Variants in NAV3 observed in about 807,000 individuals in gnomAD.
NAV3 encodes the protein neuron navigator 3.
Under a neutral mutation model 244.7 loss-of-function variants are expected in NAV3, and 87 were observed. The observed-to-expected ratio is 0.36, with a 90% confidence interval of 0.30 to 0.42. The LOEUF (loss-of-function observed/expected upper bound fraction) is 0.42, where lower values mean the gene tolerates loss of function less well. Among genes scored for constraint, NAV3 ranks in the 20% least tolerant of loss-of-function variants. The probability of loss-of-function intolerance (pLI) is 1.00; values close to 1 mark genes in which losing one functional copy is unlikely to be tolerated. For missense variants in NAV3, 2,663 were observed against 2,893.3 expected (o/e 0.92, Z 1.83); for synonymous variants, 1,126 against 1,042.2 (o/e 1.08, Z -1.55).
chr12:78,155,014 A>AT (rs1229447124), intron 22 of NAV3, among the ~76,000 whole-genome samples: 1 of 151,788 alleles, frequency 6.6e-6, no homozygotes, highest in Non-Finnish European at 1.5e-5. Context: ...TTAAGACAAT[A>AT]TTTTTTTTCT....
chr12:77,688,204 A>G (rs988072372), intron 2 of NAV3, among the ~76,000 whole-genome samples: 2 of 152,022 alleles, frequency 1.3e-5, no homozygotes, highest in African/African-American at 2.4e-5. Flanking sequence ...TAAAATTTGT[A>G]TCATAGCTAA....
intron 2 of NAV3, among the ~76,000 whole-genome samples, chr12:77,603,725 G>A (rs1870543093): frequency 1.3e-5 from 2 of 151,994 alleles, no homozygotes; most frequent in Admixed American, 6.6e-5. Context: ...CTTGAATTGT[G>A]GGTGGATCGA....
chr12:77,669,413 T>A (rs979066554), intron 2 of NAV3, among the ~76,000 whole-genome samples: 4 of 151,530 alleles, frequency 2.6e-5, no homozygotes, highest in Non-Finnish European at 5.9e-5. Flanking sequence ...AAAGACAGAG[T>A]GGATAAGAAT....
At chr12:77,995,069 C>CT (rs892255180) in intron 6 of NAV3, among the ~76,000 whole-genome samples, 198 bp downstream of exon 6, 2 of 151,812 alleles carry the variant, frequency 1.3e-5, no homozygotes, top group Non-Finnish European at 2.9e-5. Context: ...GTTTTGGCAT[C>CT]TTTTTTAGTT....
chr12:77,847,966 TTG>T (rs1876909782), intron 1 of NAV3, among the ~76,000 whole-genome samples: 1 of 152,246 alleles, frequency 6.6e-6, no homozygotes, highest in Non-Finnish European at 1.5e-5. Flanking sequence ...TGTAAACCTT[TTG>T]TTCAAATGTC....
chr12:77,907,386 C>T (rs1886101795), intron 1 of NAV3, among the ~76,000 whole-genome samples: 1 of 152,090 alleles, frequency 6.6e-6, no homozygotes. Context: ...TTCTAGTTGC[C>T]TCCAGGTGAG....
chr12:77,741,984 C>A (rs1435423334), intron 2 of NAV3, among the ~76,000 whole-genome samples: 2 of 152,006 alleles, frequency 1.3e-5, no homozygotes, highest in Non-Finnish European at 2.9e-5. Context: ...TCTCTTTTGA[C>A]CTTCATATAC....
At chr12:77,912,803 G>A (rs1288963769) in intron 1 of NAV3, among the ~76,000 whole-genome samples, 3 of 151,806 alleles carry the variant, frequency 2.0e-5, no homozygotes, top group Admixed American at 6.6e-5. Context: ...CTAGAGATGG[G>A]GTTTCACCAT....
chr12:78,139,967 C>T (rs1282904999), intron 19 of NAV3, among the ~76,000 whole-genome samples: 1 of 152,072 alleles, frequency 6.6e-6, no homozygotes, highest in Admixed American at 6.6e-5. Flanking sequence ...GTTTGGGTTT[C>T]CATGCTATTC....
At chr12:78,205,820 C>T (rs974721482) in intron 39 of NAV3, among the ~76,000 whole-genome samples, 3 of 151,938 alleles carry the variant, frequency 2.0e-5, no homozygotes, top group Non-Finnish European at 2.9e-5. Flanking sequence ...TACTAACTCA[C>T]CATTCTATGA....
intron 12 of NAV3, among the ~76,000 whole-genome samples, chr12:78,086,130 G>A (rs1953625156): frequency 6.6e-6 from 1 of 152,074 alleles, no homozygotes; most frequent in South Asian, 2.1e-4. Context: ...GGATTGTTGA[G>A]AGGATTAAAT....
chr12:77,868,375 G>A (rs1452073035), intron 1 of NAV3, among the ~76,000 whole-genome samples: 2 of 151,958 alleles, frequency 1.3e-5, no homozygotes, highest in Non-Finnish European at 2.9e-5. Flanking sequence ...TGAACTAAGA[G>A]GAAAAAACTG....
chr12:77,676,446 G>A (rs1874208869), intron 2 of NAV3, among the ~76,000 whole-genome samples: 1 of 152,086 alleles, frequency 6.6e-6, no homozygotes, highest in Admixed American at 6.6e-5. Flanking sequence ...TCTTATAGTG[G>A]TTTTTATCTT....
chr12:78,074,292 C>T (rs1371736179), intron 12 of NAV3, among the ~76,000 whole-genome samples: 2 of 152,148 alleles, frequency 1.3e-5, no homozygotes, highest in African/African-American at 4.8e-5. Flanking sequence ...AATAATATCG[C>T]AGATTATAAG....
chr12:77,898,175 T>TC (rs1884847359), intron 1 of NAV3, among the ~76,000 whole-genome samples: 1 of 152,240 alleles, frequency 6.6e-6, no homozygotes, highest in African/African-American at 2.4e-5. Flanking sequence ...TTGGTATTTT[T>TC]TATATTATAT....
intron 29 of NAV3, 49 bp from the exon 30 acceptor site, chr12:78,180,822 C>A (rs1437138927): frequency 4.0e-6 from 6 of 1,488,962 alleles, no homozygotes; most frequent in Non-Finnish European, 4.6e-6. Context: ...GTGCTATTTT[C>A]TCAATCAAAC....
At chr12:78,007,468 A>G (rs2136604489) in intron 8 of NAV3, 23 bp downstream of exon 8, 1 of 1,601,302 alleles carries the variant, frequency 6.2e-7, no homozygotes, top group South Asian at 1.1e-5. Context: ...CTGTTTATCC[A>G]CAGTTGTAAA....
At chr12:78,102,095 C>T (rs902299965) in intron 12 of NAV3, among the ~76,000 whole-genome samples, 6 of 152,066 alleles carry the variant, frequency 3.9e-5, no homozygotes, top group African/African-American at 1.2e-4. Flanking sequence ...ACGAAATGGT[C>T]TCATGAATAT....
At chr12:78,086,831 T>G (rs188158641) in intron 12 of NAV3, among the ~76,000 whole-genome samples, 2 of 152,182 alleles carry the variant, frequency 1.3e-5, no homozygotes, top group East Asian at 3.9e-4. Context: ...TCCTCATCTA[T>G]GTGTTGGGAT....
Sources: allele counts gnomAD v4.1 joint callset (sites outside exome capture counted in the v4.1 genomes callset), GRCh38; gene constraint gnomAD v4.1.1; transcripts MANE v1.5; gene names NCBI Gene and HGNC (gene_info 2026-07-23, HGNC 2026-07-21).